Variants in GRIP1 observed in about 807,000 individuals in gnomAD.
The protein encoded by GRIP1 is glutamate receptor-interacting protein 1.
A neutral mutation model predicts 129.9 loss-of-function variants in GRIP1; 45 were observed. The ratio of observed to expected loss-of-function variants is 0.35; its 90% confidence interval spans 0.27 to 0.44. GRIP1 has a LOEUF of 0.44. Among genes scored for constraint, GRIP1 ranks in the 20% least tolerant of loss-of-function variants. GRIP1 has a pLI of 1.00. For synonymous variants in GRIP1, 530 were observed against 520.8 expected (o/e 1.02, Z -0.24); for missense variants, 1,196 against 1,396.8 (o/e 0.86, Z 2.29).
intron 1 of GRIP1, among the ~76,000 whole-genome samples, chr12:66,991,013 T>C (rs1295679877): frequency 6.7e-6 from 1 of 150,198 alleles, no homozygotes; most frequent in Non-Finnish European, 1.5e-5. Context: ...GGACAAACTA[T>C]CTGTAATCCC....
chr12:66,996,945 C>T (rs180694798), intron 1 of GRIP1, among the ~76,000 whole-genome samples: 192 of 152,234 alleles, frequency 1.3e-3, no homozygotes, highest in Non-Finnish European at 1.6e-3. Context: ...CTTGTCATTT[C>T]TCAGGAACTG....
At position 66,864,060 on chromosome 12, in the gene GRIP1, G is replaced by A. The variant is rs138314864; in HGVS notation, c.58+204990C>T. On this transcript the variant is annotated intron_variant, in intron 1 of 1. Transcript: ENST00000643019. Reference sequence around the variant, plus strand: ...TTGGCAAGATCTTGCTTAATCACATGAACCATCTCCACCATTGACAAAGAG... The same window carrying A: ...TTGGCAAGATCTTGCTTAATCACATAAACCATCTCCACCATTGACAAAGAG... Among the ~76,000 whole-genome samples, 130 of 152,162 alleles carry A rather than the reference G, an allele frequency of 8.5e-4. 1 individual carries two copies. Among genetic ancestry groups the A allele is most frequent in the South Asian group, 8.3e-4 (4 of 4,820 alleles).
chr12:67,009,374 C>T (rs778922655), intron 1 of GRIP1, among the ~76,000 whole-genome samples: 8 of 152,210 alleles, frequency 5.3e-5, no homozygotes, highest in Non-Finnish European at 7.4e-5. Context: ...CAGGAGGCCA[C>T]GCATTCAACT....
intron 23 of GRIP1, among the ~76,000 whole-genome samples, chr12:66,361,135 A>G (rs1400593756): frequency 6.6e-6 from 1 of 152,252 alleles, no homozygotes; most frequent in Non-Finnish European, 1.5e-5. Flanking sequence ...GGAAGCCTAC[A>G]GCCCAAGAAG....
At chr12:66,354,569 T>C (rs2054389771) in intron 23 of GRIP1, among the ~76,000 whole-genome samples, 1 of 152,196 alleles carries the variant, frequency 6.6e-6, no homozygotes, top group Non-Finnish European at 1.5e-5. Flanking sequence ...TACCAAGTTG[T>C]GCCAGATGCC....
chr12:66,911,358 C>A (rs573963409), intron 1 of GRIP1, among the ~76,000 whole-genome samples: 34 of 152,282 alleles, frequency 2.2e-4, no homozygotes, highest in African/African-American at 7.5e-4. Flanking sequence ...CCCATTGGCT[C>A]TAGTTTTATT....
At chr12:66,876,401 T>C (rs1448055181) in intron 1 of GRIP1, among the ~76,000 whole-genome samples, 1 of 152,058 alleles carries the variant, frequency 6.6e-6, no homozygotes, top group Non-Finnish European at 1.5e-5. Flanking sequence ...CTACTACTCT[T>C]AGTGGAGAAA....
At position 66,959,029 on chromosome 12, in the gene GRIP1, G is replaced by A. The variant is rs944115704; in HGVS notation, c.58+110021C>T. Reference sequence around the variant, plus strand: ...ATTTATTCCTAGATGGATGAACAACGTCTTAAATAGGTCTTTGCCATCTGA... The same window carrying A: ...ATTTATTCCTAGATGGATGAACAACATCTTAAATAGGTCTTTGCCATCTGA... On this transcript the variant is annotated intron_variant, in intron 1 of 1. Coordinates refer to the GRIP1 transcript ENST00000643019. 6.6e-5 allele frequency among the ~76,000 whole-genome samples: 10 copies of A among 152,206 alleles called. No homozygotes were observed. In the East Asian group the frequency reaches 1.5e-3, roughly 24 times the overall value.
At chr12:66,589,298 T>C (rs776350830) in intron 2 of GRIP1, among the ~76,000 whole-genome samples, 34 of 151,380 alleles carry the variant, frequency 2.2e-4, no homozygotes, top group Non-Finnish European at 4.3e-4. Context: ...TTCATTCTTG[T>C]TATTCCCTAA....
chr12:66,651,963 C>T (rs1032978936), intron 1 of GRIP1, among the ~76,000 whole-genome samples: 1 of 151,840 alleles, frequency 6.6e-6, no homozygotes, highest in Admixed American at 6.6e-5. Context: ...TCTGGAAATA[C>T]TTGTGAGAAA....
At chr12:66,843,495 T>C (rs2039757578) in intron 1 of GRIP1, among the ~76,000 whole-genome samples, 1 of 152,082 alleles carries the variant, frequency 6.6e-6, no homozygotes, top group African/African-American at 2.4e-5. Flanking sequence ...AGGGATTGCA[T>C]TAAATACAAA....
intron 1 of GRIP1, among the ~76,000 whole-genome samples, chr12:66,602,299 TC>T (rs2064311212): frequency 6.6e-6 from 1 of 152,188 alleles, no homozygotes; most frequent in Non-Finnish European, 1.5e-5. Context: ...AAGCAAGATT[TC>T]CTGAAGGATA....
intron 1 of GRIP1, among the ~76,000 whole-genome samples, chr12:67,016,567 T>G (rs889416901): frequency 6.6e-6 from 1 of 152,116 alleles, no homozygotes; most frequent in African/African-American, 2.4e-5. Flanking sequence ...GGGCTGAGAC[T>G]TTATCTAGTT....
At chr12:67,027,535 T>C (rs762536773) in intron 1 of GRIP1, among the ~76,000 whole-genome samples, 26 of 152,176 alleles carry the variant, frequency 1.7e-4, no homozygotes, top group Non-Finnish European at 1.0e-4. Flanking sequence ...CCTGTCCCTG[T>C]AGAGTTCATA....
intron 7 of GRIP1, among the ~76,000 whole-genome samples, chr12:66,472,465 G>T (rs1565775993): frequency 6.6e-6 from 1 of 151,982 alleles, no homozygotes; most frequent in African/African-American, 2.4e-5. Flanking sequence ...CTCTCTTCCT[G>T]CCCAATGAAA....
chr12:66,561,870 G>T (rs2062546438), intron 2 of GRIP1, among the ~76,000 whole-genome samples: 1 of 152,128 alleles, frequency 6.6e-6, no homozygotes, highest in African/African-American at 2.4e-5. Context: ...GAGGTGGGAG[G>T]ATTGCTTGAG....
chr12:67,019,801 TAC>T (rs61084842), intron 1 of GRIP1, among the ~76,000 whole-genome samples: 8 of 151,334 alleles, frequency 5.3e-5, no homozygotes, highest in African/African-American at 9.7e-5. Context: ...TTATAATATA[TAC>T]ACACACACAC....
intron 14 of GRIP1, among the ~76,000 whole-genome samples, chr12:66,422,218 C>T (rs189792318): frequency 2.7e-4 from 41 of 152,192 alleles, no homozygotes; most frequent in South Asian, 4.1e-4. Context: ...AAAAAGAAAA[C>T]GCATATACCG....
In GRIP1 at chr12:66,979,252, A is replaced by AAAAAAAAAAAAAAAAC. The variant is rs772753895; in HGVS notation, c.58+89797_58+89798insGTTTTTTTTTTTTTTT. 5.4e-4 allele frequency among the ~76,000 whole-genome samples: 59 copies of AAAAAAAAAAAAAAAAC among 110,236 alleles called. 3 individuals are homozygous for AAAAAAAAAAAAAAAAC. Among genetic ancestry groups the AAAAAAAAAAAAAAAAC allele is most frequent in the Non-Finnish European group, 8.6e-4 (48 of 55,734 alleles). The allele number at this position is 110,236 out of a possible 152,430, so 72.3% of individuals were successfully genotyped here. On this transcript the variant is annotated intron_variant, in intron 1 of 1. Transcript: ENST00000643019. ...AAAAAAAAAAAAAAAAAAAAAAAAA[A>AAAAAAAAAAAAAAAAC]AACAAGCCCGTCATCCTGCAAGTAC...
Sources: allele counts gnomAD v4.1 joint callset (sites outside exome capture counted in the v4.1 genomes callset), GRCh38; gene constraint gnomAD v4.1.1; transcripts MANE v1.5; gene names NCBI Gene and HGNC (gene_info 2026-07-23, HGNC 2026-07-21).